The following FBF1 variants were observed in gnomAD, a reference collection of about 807,000 sequenced individuals.
FBF1 encodes the protein Fas binding factor 1, also known as fas-binding factor 1.
A neutral mutation model predicts 147.2 loss-of-function variants in FBF1; 119 were observed. The ratio of observed to expected loss-of-function variants is 0.81; its 90% CI spans 0.70 to 0.94. The LOEUF is 0.94. FBF1 is among the 40% of genes least tolerant of loss of function. FBF1 has a pLI of 0.00. For missense variants in FBF1, 1,449 were observed against 1,500.8 expected, an observed-to-expected ratio of 0.97 and a Z score of 0.57; for synonymous variants, 601 against 609.0, an observed-to-expected ratio of 0.99 and a Z score of 0.19.
chr17:75,915,104 C>T lies in FBF1; in HGVS notation c.2541G>A (p.Ala847=), dbSNP rs1483849579. The T allele has an allele frequency of 1.2e-6, 2 of 1,611,866 alleles. No individual in the cohort carries two copies. Among genetic ancestry groups the T allele is most frequent in the Non-Finnish European group, 1.7e-6 (2 of 1,179,648 alleles). The change falls in exon 24 of 30, where the codon GCG becomes GCA. Residue 847 remains alanine, a synonymous_variant. Coordinates refer to ENST00000636174, the MANE Select transcript of FBF1 (RefSeq NM_001319193.2). The part of the protein sequence containing the change: ...RWRVTAEQSK[A]ESMQRALEEQ... ...CCTCTAGGGCGCGCTGCATGGACTC[C>T]GCCTTGGACTGCTCGGCAGTCACCC...
chr17:75,920,159 C>G lies in FBF1; in HGVS notation c.1831-52G>C, dbSNP rs577034646. On this transcript the variant is annotated intron_variant, in intron 18 of 29. Coordinates refer to ENST00000636174, the MANE Select transcript of FBF1 (RefSeq NM_001319193.2). The stretch of plus-strand genomic sequence containing the variant: ...CCAGGGAGGGGAGGTGGCTGTACTC[C>G]ACGCTGCCCTGTGCCAACAGCCCTT... The G allele has an allele frequency of 1.5e-3, 2,316 of 1,583,532 alleles. 2 individuals carry two copies. The highest frequency in any genetic ancestry group is 1.8e-3 in the Non-Finnish European group (2,077 of 1,164,686).
At chr17:75,932,231 G>T (rs2065598809) in intron 5 of FBF1, among the ~76,000 whole-genome samples, 1 of 152,032 alleles carries the variant, frequency 6.6e-6, no homozygotes, top group Non-Finnish European at 1.5e-5. Context: ...TAACAAAGTA[G>T]CCAGACGTGG....
intron 7 of FBF1, 36 bp downstream of exon 7, chr17:75,929,961 C>CCCCCCCCCT: frequency 1.5e-6 from 2 of 1,323,048 alleles, no homozygotes; most frequent in Non-Finnish European, 1.1e-6. Flanking sequence ...CCCCACCCAC[C>CCCCCCCCCT]CCCAGTTCTA....
In FBF1 at chr17:75,926,785, T is replaced by C. The variant is rs1467838451; in HGVS notation, c.568A>G (p.Lys190Glu). ...PVTQSKTASD[K>E]SPSTVRDQGP... The stretch of plus-strand genomic sequence containing the variant: ...TGATCTCTCACTGTGCTGGGGCTCT[T>C]GTCAGAAGCTGTTTTACTCTGTGTC... Residue 190 changes from lysine to glutamate, a missense_variant, in exon 10 of 30, where the codon AAG (lysine) becomes GAG (glutamate). Transcript: ENST00000636174. 6.2e-7 allele frequency: 1 copy of C among 1,613,870 alleles called. No individual in the cohort carries two copies. The highest frequency in any genetic ancestry group is 1.1e-5 in the South Asian group (1 of 91,000).
Position 75,926,169 on chromosome 17 carries a change from G to A in FBF1, c.735-6C>T. ...GAGCAGGGCGAGGCCCTTCCCTGCA[G>A]GACGGGACACACGGCAGGAACGTGT... On this transcript the variant is annotated splice_polypyrimidine_tract_variant and splice_region_variant and intron_variant, in intron 11 of 29. Transcript: ENST00000636174. 2 of 1,607,678 alleles carry A rather than the reference G, an allele frequency of 1.2e-6. No homozygotes were observed. The highest frequency in any genetic ancestry group is 1.7e-6 in the Non-Finnish European group (2 of 1,177,710).
intron 23 of FBF1, among the ~76,000 whole-genome samples, chr17:75,915,442 C>A (rs1175684924): frequency 6.6e-6 from 1 of 152,204 alleles, no homozygotes; most frequent in Non-Finnish European, 1.5e-5. Context: ...TCGCCAGCTA[C>A]GCACTCTGCC....
At position 75,923,507 on chromosome 17, in the gene FBF1, T is replaced by TCCAAGTCCTCGTCCTTGAGGC; in HGVS notation, c.1082_1102dup (p.Gly361_Leu367dup). On this transcript the variant is annotated inframe_insertion, in exon 14 of 30. Coordinates refer to ENST00000636174, the MANE Select transcript of FBF1 (RefSeq NM_001319193.2). The surrounding 1 kb of genome is among the most constrained non-coding windows in gnomAD (Gnocchi z 4.1). ...TCTGGTGGGTGAGGCAGGGAACAGG[T>TCCAAGTCCTCGTCCTTGAGGC]CCAAGTCCTCGTCCTTGAGGCCCAA... 1 of 1,606,030 alleles carries TCCAAGTCCTCGTCCTTGAGGC rather than the reference T, an allele frequency of 6.2e-7. No homozygotes were observed. Among genetic ancestry groups the TCCAAGTCCTCGTCCTTGAGGC allele is most frequent in the Non-Finnish European group, 8.5e-7 (1 of 1,176,612 alleles).
chr17:75,933,786 G>A (rs1178035087), intron 4 of FBF1, among the ~76,000 whole-genome samples: 3 of 152,224 alleles, frequency 2.0e-5, no homozygotes, highest in South Asian at 2.1e-4. Flanking sequence ...AGATATACAC[G>A]TGGCCAATAA....
intron 8 of FBF1, 83 bp downstream of exon 8, chr17:75,927,993 A>G (rs1359983963): frequency 3.1e-5 from 35 of 1,126,652 alleles, no homozygotes; most frequent in Middle Eastern, 2.9e-4. Context: ...GCTTCCTACT[A>G]GCATCTTCCA....
At chr17:75,934,107 A>G (rs1411968703) in intron 4 of FBF1, among the ~76,000 whole-genome samples, 2 of 152,256 alleles carry the variant, frequency 1.3e-5, no homozygotes, top group African/African-American at 4.8e-5. Flanking sequence ...AGCATTATTC[A>G]TAACAGCCGA....
In FBF1 at chr17:75,909,842, T is replaced by A. The variant is rs1182092432; in HGVS notation, c.*881A>T. 1 of 690,264 alleles carries A rather than the reference T, an allele frequency of 1.4e-6. No homozygotes were observed. The highest frequency in any genetic ancestry group is 2.7e-6 in the Non-Finnish European group (1 of 376,230). The allele number at this position is 690,264 out of a possible 1,614,324, so 42.8% of individuals were successfully genotyped here. A position where few individuals can be genotyped will look rare whatever the true frequency, so the allele number is the denominator to read the frequency against. On this transcript the variant is annotated 3_prime_UTR_variant, in exon 30 of 30. Coordinates refer to ENST00000636174, the MANE Select transcript of FBF1 (RefSeq NM_001319193.2). Reference sequence around the variant, plus strand: ...TCTAAGAAATAAGTATAAACTCCGATGAGCCATGGCAAAAGCAGTTTTTTT... The same window carrying A: ...TCTAAGAAATAAGTATAAACTCCGAAGAGCCATGGCAAAAGCAGTTTTTTT...
In FBF1 at chr17:75,937,603, G is replaced by A; in HGVS notation, c.4-10C>T. On this transcript the variant is annotated splice_polypyrimidine_tract_variant and intron_variant, in intron 2 of 29. Transcript: ENST00000636174. The stretch of plus-strand genomic sequence containing the variant: ...TCTTGGTTTTTGGTGCCTAAAATGG[G>A]AAAAACAAATCACATCAAGAAAACC... 1.2e-6 allele frequency: 2 copies of A among 1,613,902 alleles called. No individual in the cohort carries two copies. Among genetic ancestry groups the A allele is most frequent in the Non-Finnish European group, 8.5e-7 (1 of 1,179,864 alleles).
At chr17:75,935,242 G>C (rs1277844831) in intron 4 of FBF1, among the ~76,000 whole-genome samples, 1 of 150,350 alleles carries the variant, frequency 6.7e-6, no homozygotes, top group East Asian at 2.0e-4. Flanking sequence ...TTGGCTCACT[G>C]CAACCTCCGC....
Position 75,918,036 on chromosome 17 carries a change from ACTT to A in FBF1, c.2278_2280del (p.Lys760del). The A allele has an allele frequency of 6.2e-7, 1 of 1,611,822 alleles. No homozygotes were observed. Among genetic ancestry groups the A allele is most frequent in the Non-Finnish European group, 8.5e-7 (1 of 1,178,652 alleles). On this transcript the variant is annotated inframe_deletion, in exon 22 of 30. Coordinates refer to ENST00000636174, the MANE Select transcript of FBF1 (RefSeq NM_001319193.2). This position sits in a 1 kb window ranked among gnomAD's most constrained non-coding sequence, Gnocchi z 5.8. Reference sequence around the variant, plus strand: ...GACAACTCGTGCAGGCTGCTGGAGAACTTCTCCATCTGGTGGATGATGCTATTC... The same window carrying A: ...GACAACTCGTGCAGGCTGCTGGAGAACTCCATCTGGTGGATGATGCTATTC...
rs757647245 is a variant in FBF1 at position 75,926,182 on chromosome 17, G to A, written c.735-19C>T. On this transcript the variant is annotated intron_variant, in intron 11 of 29. Coordinates refer to ENST00000636174, the MANE Select transcript of FBF1 (RefSeq NM_001319193.2). ...CCCTTCCCTGCAGGACGGGACACACGGCAGGAACGTGTAGGTATGAGGGGC... is the reference window on the plus strand; with the variant it reads ...CCCTTCCCTGCAGGACGGGACACACAGCAGGAACGTGTAGGTATGAGGGGC... 5.0e-6 allele frequency: 8 copies of A among 1,605,636 alleles called. No homozygotes were observed. The highest frequency in any genetic ancestry group is 6.8e-6 in the Non-Finnish European group (8 of 1,176,966).
At chr17:75,914,083 G>A in intron 26 of FBF1, 33 bp from the exon 27 acceptor site, 1 of 1,593,428 alleles carries the variant, frequency 6.3e-7, no homozygotes, top group African/African-American at 1.3e-5. Context: ...AGGGCTGCCT[G>A]GGCTCAGATG....
At chr17:75,921,446 A>C (rs1311288340) in intron 16 of FBF1, 26 bp downstream of exon 16, 1 of 1,602,498 alleles carries the variant, frequency 6.2e-7, no homozygotes, top group East Asian at 2.2e-5. Flanking sequence ...TAAACTCCCA[A>C]ATGAAGCAGC....
chr17:75,914,609 G>T, intron 25 of FBF1, 138 bp downstream of exon 25: 1 of 912,184 alleles, frequency 1.1e-6, no homozygotes. Context: ...GCATGATGAT[G>T]CGATTACTGT....
chr17:75,935,527 G>C, intron 4 of FBF1, 105 bp downstream of exon 4: 1 of 1,192,630 alleles, frequency 8.4e-7, no homozygotes, highest in Non-Finnish European at 1.2e-6. Flanking sequence ...GGAGGCGGGA[G>C]GATCATTTCA....
Sources: allele counts gnomAD v4.1 joint callset (sites outside exome capture counted in the v4.1 genomes callset), GRCh38; gene constraint gnomAD v4.1.1; non-coding constraint Gnocchi (gnomAD v3.1); transcripts MANE v1.5; gene names NCBI Gene and HGNC (gene_info 2026-07-23, HGNC 2026-07-21).